RFC3: variants seen among roughly 807,000 people sequenced by gnomAD.
RFC3 encodes replication factor C subunit 3.
In RFC3, 41 loss-of-function variants were observed where a neutral mutation model predicts 45.1. The ratio of observed to expected loss-of-function variants is 0.91; its 90% CI spans 0.71 to 1.18. The LOEUF (loss-of-function observed/expected upper bound fraction) is 1.18, where lower values mean the gene tolerates loss of function less well. Ranked by LOEUF, RFC3 falls within the 50% of genes most tolerant of loss-of-function variation. RFC3 has a pLI of 0.00. For missense variants in RFC3, 423 were observed against 428.1 expected (o/e 0.99, Z 0.10); for synonymous variants, 149 against 144.0 (o/e 1.03, Z -0.25).
chr13:33,917,864 AC>A (rs200463954), intron 8 of RFC3, among the ~76,000 whole-genome samples: 14 of 152,054 alleles, frequency 9.2e-5, no homozygotes, highest in African/African-American at 3.4e-4. Context: ...TTAAAAAAAA[AC>A]AAACAAACAG....
At chr13:33,826,557 A>C (rs899407004) in intron 4 of RFC3, among the ~76,000 whole-genome samples, 2 of 152,074 alleles carry the variant, frequency 1.3e-5, no homozygotes, top group African/African-American at 2.4e-5. Context: ...ACATATTCTC[A>C]GCTGATTTCT....
At chr13:33,826,005 G>A in intron 4 of RFC3, 119 bp downstream of exon 4, 3 of 452,174 alleles carry the variant, frequency 6.6e-6, no homozygotes, top group Non-Finnish European at 1.2e-5. Flanking sequence ...GGAGTTTATA[G>A]TCTAATGGAA....
chr13:33,944,464 G>C (rs1464017151), intron 8 of RFC3, among the ~76,000 whole-genome samples: 1 of 152,134 alleles, frequency 6.6e-6, no homozygotes, highest in Non-Finnish European at 1.5e-5. Flanking sequence ...GTGAAGGAAA[G>C]AATGCAAGGA....
intron 8 of RFC3, among the ~76,000 whole-genome samples, chr13:33,882,146 C>A (rs1253422368): frequency 6.6e-6 from 1 of 152,172 alleles, no homozygotes; most frequent in Non-Finnish European, 1.5e-5. Flanking sequence ...CTATTCTCAG[C>A]TTCCCCTGAT....
intron 8 of RFC3, among the ~76,000 whole-genome samples, chr13:33,892,160 T>C (rs572227376): frequency 1.2e-4 from 18 of 152,138 alleles, no homozygotes; most frequent in African/African-American, 4.1e-4. Context: ...CTTTGAGAGA[T>C]AGCTGAGACA....
At chr13:33,860,303 G>A (rs1435879515) in intron 8 of RFC3, among the ~76,000 whole-genome samples, 1 of 58,842 alleles carries the variant, frequency 1.7e-5, no homozygotes, top group Non-Finnish European at 9.2e-5. Flanking sequence ...GGGGACTCAG[G>A]AAAACCAAGG....
At chr13:33,842,692 C>T (rs977042486) in intron 8 of RFC3, among the ~76,000 whole-genome samples, 2 of 152,164 alleles carry the variant, frequency 1.3e-5, no homozygotes, top group African/African-American at 2.4e-5. Context: ...CACTTTCTTC[C>T]AGGCAGAAAG....
At position 33,920,257 on chromosome 13, in the gene RFC3, A is replaced by G. The variant is rs1263751199; in HGVS notation, c.880-45830A>G. ...TCTTCACAAGGATTAAAAAAGTTCC[A>G]TCACAGTAACTTCCAACCAAATACC... On this transcript the variant is annotated intron_variant, in intron 8 of 8. Coordinates refer to the RFC3 transcript ENST00000434425. Among the ~76,000 whole-genome samples the G allele has an allele frequency of 8.5e-5, 13 of 152,222 alleles. No homozygotes were observed. In the South Asian group the frequency reaches 2.5e-3, roughly 29 times the overall value.
At chr13:33,964,566 C>T (rs1256305216) in intron 8 of RFC3, among the ~76,000 whole-genome samples, 1 of 152,212 alleles carries the variant, frequency 6.6e-6, no homozygotes, top group African/African-American at 2.4e-5. Context: ...TCCCCGTCTC[C>T]TCCTGAGACA....
intron 8 of RFC3, among the ~76,000 whole-genome samples, chr13:33,938,462 A>G (rs1469712567): frequency 6.6e-6 from 1 of 152,172 alleles, no homozygotes; most frequent in Non-Finnish European, 1.5e-5. Context: ...ATTAAGAAGC[A>G]TATCATCATT....
At chr13:33,908,999 A>T (rs943298373) in intron 8 of RFC3, among the ~76,000 whole-genome samples, 1 of 152,110 alleles carries the variant, frequency 6.6e-6, no homozygotes, top group South Asian at 2.1e-4. Flanking sequence ...CATCAGCTTT[A>T]CATAGTCTAC....
At chr13:33,834,298 G>GTGTATATA (rs1302839326) in intron 7 of RFC3, among the ~76,000 whole-genome samples, 14 of 109,200 alleles carry the variant, frequency 1.3e-4, no homozygotes, top group African/African-American at 4.5e-4. Context: ...TGTACTGTGT[G>GTGTATATA]TATATATATA....
intron 8 of RFC3, among the ~76,000 whole-genome samples, chr13:33,957,948 T>C (rs1164326815): frequency 6.6e-6 from 1 of 152,198 alleles, no homozygotes; most frequent in Non-Finnish European, 1.5e-5. Context: ...AATACAATGG[T>C]GAACCAGGCA....
chr13:33,963,239 TA>T (rs2083068391), intron 8 of RFC3, among the ~76,000 whole-genome samples: 1 of 152,146 alleles, frequency 6.6e-6, no homozygotes, highest in Admixed American at 6.5e-5. Flanking sequence ...TTTTCGTTTT[TA>T]TTTTCTTTTC....
intron 8 of RFC3, among the ~76,000 whole-genome samples, chr13:33,907,943 T>G (rs1340597037): frequency 2.6e-5 from 4 of 151,402 alleles, no homozygotes; most frequent in African/African-American, 9.7e-5. Context: ...AAATTCTTTC[T>G]TTTTTTTTCA....
At chr13:33,925,054 T>C (rs1189758714) in intron 8 of RFC3, among the ~76,000 whole-genome samples, 4 of 145,072 alleles carry the variant, frequency 2.8e-5, no homozygotes, top group South Asian at 2.1e-4. Context: ...TACATATATA[T>C]ATACACATAT....
chr13:33,836,065 T>A, intron 8 of RFC3, 39 bp from the exon 9 acceptor site: 1 of 1,574,102 alleles, frequency 6.4e-7, no homozygotes, highest in Non-Finnish European at 8.7e-7. Context: ...TTAGCTGTTT[T>A]TATTAATGAT....
intron 8 of RFC3, among the ~76,000 whole-genome samples, chr13:33,883,055 A>G (rs182933274): frequency 3.2e-4 from 49 of 152,358 alleles, no homozygotes; most frequent in Admixed American, 2.5e-3. Flanking sequence ...TGGCAACTAC[A>G]TAAAAAGCTG....
the RFC3 span, among the ~76,000 whole-genome samples, chr13:33,972,609 T>C: frequency 6.6e-6 from 1 of 152,220 alleles, no homozygotes; most frequent in South Asian, 2.1e-4. Flanking sequence ...CTATTCACAT[T>C]GTGCTTCTCC....
Sources: allele counts gnomAD v4.1 joint callset (sites outside exome capture counted in the v4.1 genomes callset), GRCh38; gene constraint gnomAD v4.1.1; transcripts MANE v1.5; gene names NCBI Gene and HGNC (gene_info 2026-07-23, HGNC 2026-07-21).